POU6F2: variants seen among roughly 807,000 people sequenced by gnomAD.
POU6F2 encodes the protein POU domain, class 6, transcription factor 2.
A neutral mutation model predicts 71.3 loss-of-function variants in POU6F2; 31 were observed. The observed-to-expected ratio is 0.43, with a 90% confidence interval of 0.33 to 0.59. POU6F2 has a LOEUF of 0.59. Among genes scored for constraint, POU6F2 ranks in the 20% least tolerant of loss-of-function variants. POU6F2 has a pLI of 0.04. For synonymous variants in POU6F2, 347 were observed against 355.7 expected (o/e 0.98, Z 0.27); for missense variants, 783 against 856.8 (o/e 0.91, Z 1.07).
At position 39,182,908 on chromosome 7, in the gene POU6F2, C is replaced by T. The variant is rs543006384; in HGVS notation, c.278-21327C>T. Among the ~76,000 whole-genome samples, 4 of 152,250 alleles carry T rather than the reference C, an allele frequency of 2.6e-5. No individual in the cohort carries two copies. In the South Asian group the frequency reaches 6.2e-4, roughly 24 times the overall value. On this transcript the variant is annotated intron_variant, in intron 2 of 9. Coordinates refer to ENST00000518318, the MANE Select transcript of POU6F2 (RefSeq NM_001370959.1). The stretch of plus-strand genomic sequence containing the variant: ...ATGCCCAAACCTGAAATTTTTATTC[C>T]AGCAAAAATGCAGCAAGGAAAATCA...
intron 1 of POU6F2, among the ~76,000 whole-genome samples, chr7:39,081,631 T>C (rs1308781830): frequency 6.6e-6 from 1 of 152,208 alleles, no homozygotes; most frequent in Non-Finnish European, 1.5e-5. Context: ...TTGAACACTA[T>C]CTGATGTCCT....
chr7:39,154,728 A>T (rs1421813607), intron 2 of POU6F2, among the ~76,000 whole-genome samples: 2 of 152,122 alleles, frequency 1.3e-5, no homozygotes, highest in Non-Finnish European at 2.9e-5. Context: ...CAAGTTGAAA[A>T]AAAGATGACA....
intron 2 of POU6F2, among the ~76,000 whole-genome samples, chr7:39,144,714 T>C (rs752979019): frequency 1.2e-4 from 19 of 152,366 alleles, no homozygotes; most frequent in African/African-American, 4.6e-4. Context: ...ACTATCTTTC[T>C]AAATGCTTAC....
intron 4 of POU6F2, among the ~76,000 whole-genome samples, chr7:39,336,758 A>G (rs1785787282): frequency 6.6e-6 from 1 of 152,196 alleles, no homozygotes; most frequent in Non-Finnish European, 1.5e-5. Context: ...CCATGCCCAC[A>G]TTTGCCTGAG....
intron 6 of POU6F2, among the ~76,000 whole-genome samples, chr7:39,407,848 G>T (rs571578955): frequency 6.6e-6 from 1 of 152,166 alleles, no homozygotes; most frequent in East Asian, 1.9e-4. Context: ...GTATTGTCCC[G>T]TCAGAACCCC....
At chr7:39,327,809 C>T (rs949665197) in intron 4 of POU6F2, among the ~76,000 whole-genome samples, 5 of 151,594 alleles carry the variant, frequency 3.3e-5, no homozygotes, top group African/African-American at 1.2e-4. Context: ...AGTGGACCCC[C>T]CCGCCAATAA....
intron 2 of POU6F2, among the ~76,000 whole-genome samples, chr7:39,099,761 A>G (rs1236752296): frequency 1.3e-5 from 2 of 152,192 alleles, no homozygotes; most frequent in East Asian, 1.9e-4. Flanking sequence ...ATGCCTGCAC[A>G]TGGTGGTGTT....
intron 1 of POU6F2, among the ~76,000 whole-genome samples, chr7:39,036,042 G>A (rs868747842): frequency 5.9e-5 from 9 of 152,070 alleles, no homozygotes; most frequent in Non-Finnish European, 1.0e-4. Flanking sequence ...AGAATATGAG[G>A]CGTGCGGGAG....
chr7:39,078,931 T>C (rs911040131), intron 1 of POU6F2, among the ~76,000 whole-genome samples: 6 of 151,858 alleles, frequency 4.0e-5, no homozygotes, highest in African/African-American at 1.5e-4. Context: ...AAATAAAAAA[T>C]AAAGGGAGGA....
chr7:39,374,084 G>A (rs1030285434), intron 5 of POU6F2, among the ~76,000 whole-genome samples: 1 of 152,114 alleles, frequency 6.6e-6, no homozygotes, highest in Non-Finnish European at 1.5e-5. Flanking sequence ...AAATATTGGG[G>A]CAAAGGGAGA....
chr7:39,263,014 T>C lies in POU6F2; in HGVS notation c.598+55394T>C, dbSNP rs138485212. On this transcript the variant is annotated intron_variant, in intron 4 of 9. Coordinates refer to ENST00000518318, the MANE Select transcript of POU6F2 (RefSeq NM_001370959.1). ...TGATATAAGATCACGTTAAAGATGA[T>C]TGTGGCAATTTGTATCCTCTTGTTG... 1.0e-3 allele frequency among the ~76,000 whole-genome samples: 157 copies of C among 152,324 alleles called. 9 individuals are homozygous for C. In the South Asian group the frequency reaches 0.015, roughly 15 times the overall value.
intron 5 of POU6F2, among the ~76,000 whole-genome samples, chr7:39,389,723 G>A (rs1409291150): frequency 1.3e-5 from 2 of 152,166 alleles, no homozygotes; most frequent in Admixed American, 6.6e-5. Flanking sequence ...AAAACAAAAT[G>A]AGATTCTTAG....
intron 5 of POU6F2, 104 bp from the exon 6 acceptor site, chr7:39,406,496 G>A: frequency 1.4e-6 from 2 of 1,387,472 alleles, no homozygotes; most frequent in Non-Finnish European, 2.0e-6. Context: ...CCCTTTGCAT[G>A]AGCGAATTGA....
At chr7:39,007,045 C>A (rs1789094469) in intron 1 of POU6F2, among the ~76,000 whole-genome samples, 1 of 152,152 alleles carries the variant, frequency 6.6e-6, no homozygotes, top group South Asian at 2.1e-4. Flanking sequence ...TATTTTATGC[C>A]AGAATTATTC....
At chr7:39,010,734 C>T (rs1202598567) in intron 1 of POU6F2, among the ~76,000 whole-genome samples, 1 of 140,506 alleles carries the variant, frequency 7.1e-6, no homozygotes, top group Non-Finnish European at 1.6e-5. Context: ...TCTTTGTTCT[C>T]GTTGGTTTCA....
At chr7:39,179,584 A>G (rs1404889669) in intron 2 of POU6F2, among the ~76,000 whole-genome samples, 1 of 152,262 alleles carries the variant, frequency 6.6e-6, no homozygotes, top group Non-Finnish European at 1.5e-5. Flanking sequence ...TTTGATACAC[A>G]TAGAAACCAC....
chr7:39,438,671 T>A (rs1788312229), intron 7 of POU6F2, among the ~76,000 whole-genome samples: 1 of 152,246 alleles, frequency 6.6e-6, no homozygotes, highest in Non-Finnish European at 1.5e-5. Flanking sequence ...GATCTAGAAC[T>A]AGAATGAGTT....
chr7:39,033,308 C>A (rs1057076431), intron 1 of POU6F2, among the ~76,000 whole-genome samples: 1 of 152,212 alleles, frequency 6.6e-6, no homozygotes, highest in African/African-American at 2.4e-5. Flanking sequence ...TGTATCACAT[C>A]TATCAGGTTA....
intron 2 of POU6F2, among the ~76,000 whole-genome samples, chr7:39,110,646 C>T (rs895665358): frequency 2.0e-5 from 3 of 152,082 alleles, no homozygotes; most frequent in African/African-American, 7.2e-5. Flanking sequence ...AGTGTGTTGT[C>T]TCTATAGGTA....
Sources: allele counts gnomAD v4.1 joint callset (sites outside exome capture counted in the v4.1 genomes callset), GRCh38; gene constraint gnomAD v4.1.1; transcripts MANE v1.5; gene names NCBI Gene and HGNC (gene_info 2026-07-23, HGNC 2026-07-21).